Variants in CMPK1 observed in about 807,000 individuals in gnomAD.
The protein encoded by CMPK1 is cytidine/uridine monophosphate kinase 1, also known as UMP-CMP kinase.
CMPK1 carries 10 observed loss-of-function variants against 25.7 expected under a neutral mutation model. The ratio of observed to expected loss-of-function variants is 0.39; its 90% CI spans 0.24 to 0.66. The LOEUF (loss-of-function observed/expected upper bound fraction) is 0.66. Ranked by LOEUF, CMPK1 falls within the 30% of genes least tolerant of loss-of-function variation. The pLI is 0.48. For synonymous variants in CMPK1, 106 were observed against 101.5 expected (o/e 1.04, Z -0.27); for missense variants, 199 against 280.5 (o/e 0.71, Z 2.08).
rs552257590 is a variant in CMPK1, at chr1:47,338,733, C to T, written c.171+4617C>T. On this transcript the variant is annotated intron_variant, in intron 1 of 5. Transcript: ENST00000371873. ...TTTGAAAATGAGCTATTTTCTAAAT[C>T]AGTGTGATACTTAGAGTTAAGTTTC... Among the ~76,000 whole-genome samples the T allele has an allele frequency of 5.3e-5, 8 of 151,752 alleles. No homozygotes were observed. The South Asian group carries it at 1.5e-3, about 28-fold the overall frequency.
chr1:47,357,536 G>A (rs1646570465), intron 1 of CMPK1, among the ~76,000 whole-genome samples: 1 of 147,996 alleles, frequency 6.8e-6, no homozygotes, highest in Admixed American at 6.9e-5. Context: ...CTTGGCTGAA[G>A]TGCGGTGGTG....
chr1:47,342,801 C>T (rs1646451202), intron 1 of CMPK1, among the ~76,000 whole-genome samples: 1 of 151,572 alleles, frequency 6.6e-6, no homozygotes, highest in Admixed American at 6.6e-5. Context: ...AGGCACTTGC[C>T]ACCATGCCCA....
intron 1 of CMPK1, among the ~76,000 whole-genome samples, chr1:47,337,024 C>T (rs914420983): frequency 1.3e-5 from 2 of 152,196 alleles, no homozygotes; most frequent in African/African-American, 4.8e-5. Context: ...GTAGCTCACG[C>T]CTGTAATCCC....
At chr1:47,362,182 T>TC (rs1445733471) in intron 1 of CMPK1, among the ~76,000 whole-genome samples, 2 of 149,698 alleles carry the variant, frequency 1.3e-5, no homozygotes, top group Non-Finnish European at 3.0e-5. Context: ...TTTTTTTTTT[T>TC]TTTCGAGACG....
intron 1 of CMPK1, among the ~76,000 whole-genome samples, chr1:47,363,649 A>G (rs1173428323): frequency 2.7e-5 from 3 of 111,088 alleles, no homozygotes; most frequent in Non-Finnish European, 7.2e-5. Flanking sequence ...AAAACAAATA[A>G]ACAAACAAAC....
intron 3 of CMPK1, chr1:47,373,333 A>T (rs1480043164): frequency 3.0e-6 from 1 of 331,448 alleles, no homozygotes; most frequent in Non-Finnish European, 5.4e-6. Context: ...AATAACAAGA[A>T]TCAGTTTTGA....
At chr1:47,334,190 C>T in intron 1 of CMPK1, 74 bp downstream of exon 1, 1 of 1,217,836 alleles carries the variant, frequency 8.2e-7, no homozygotes, top group Non-Finnish European at 1.0e-6. Flanking sequence ...CGCCCCTAGT[C>T]CGCGCCCCGC....
At chr1:47,375,438 T>A in intron 5 of CMPK1, 145 bp downstream of exon 5, 1 of 573,472 alleles carries the variant, frequency 1.7e-6, no homozygotes, top group Non-Finnish European at 3.0e-6. Flanking sequence ...GGCTCATGCT[T>A]GTAATCCCAG....
intron 1 of CMPK1, among the ~76,000 whole-genome samples, chr1:47,352,949 A>T (rs1055012413): frequency 1.3e-5 from 2 of 152,130 alleles, no homozygotes; most frequent in Non-Finnish European, 2.9e-5. Flanking sequence ...ACCAAAATTT[A>T]AAAAAAATTA....
chr1:47,337,615 A>AT (rs34419291), intron 1 of CMPK1, among the ~76,000 whole-genome samples: 5,686 of 141,604 alleles, frequency 0.04, 245 homozygotes, highest in East Asian at 0.19. Flanking sequence ...TGGAATATCT[A>AT]TTTTTTTTTT....
intron 2 of CMPK1, among the ~76,000 whole-genome samples, chr1:47,372,081 C>A (rs1484810548): frequency 6.6e-6 from 1 of 151,762 alleles, no homozygotes; most frequent in South Asian, 2.1e-4. Flanking sequence ...TAGTTCACAT[C>A]CTCTTTTTTC....
Position 47,354,629 on chromosome 1 carries a change from G to A in CMPK1, c.172-13840G>A, listed in dbSNP as rs963982466. On this transcript the variant is annotated intron_variant, in intron 1 of 5. Coordinates refer to ENST00000371873, the MANE Select transcript of CMPK1 (RefSeq NM_016308.3). Reference sequence around the variant, plus strand: ...TTTTTTTTTTTTTTTGCTTAGCAGTGTATCTTGGAGAGCGTTCCATATCGG... The same window carrying A: ...TTTTTTTTTTTTTTTGCTTAGCAGTATATCTTGGAGAGCGTTCCATATCGG... Among the ~76,000 whole-genome samples the A allele has an allele frequency of 8.3e-5, 10 of 121,072 alleles. No individual in the cohort carries two copies. The East Asian group carries it at 3.0e-3, about 37-fold the overall frequency. 79.4% of individuals were successfully genotyped at this position (121,072 alleles called of 152,430 possible).
At chr1:47,358,766 G>T (rs1404116040) in intron 1 of CMPK1, 2 of 984,040 alleles carry the variant, frequency 2.0e-6, no homozygotes, top group Non-Finnish European at 2.4e-6. Context: ...TTTTGCAAAT[G>T]CTCAAATGTT....
intron 1 of CMPK1, among the ~76,000 whole-genome samples, chr1:47,340,627 T>G (rs1646434808): frequency 6.6e-6 from 1 of 152,170 alleles, no homozygotes; most frequent in Admixed American, 6.5e-5. Flanking sequence ...TATGCTTCTT[T>G]CCTTCTGGTG....
chr1:47,338,177 A>G (rs1646413165), intron 1 of CMPK1, among the ~76,000 whole-genome samples: 1 of 152,166 alleles, frequency 6.6e-6, no homozygotes, highest in African/African-American at 2.4e-5. Flanking sequence ...TGCCAGAAGT[A>G]CATATTTGAG....
chr1:47,352,119 A>G (rs1646527160), intron 1 of CMPK1, among the ~76,000 whole-genome samples: 1 of 152,240 alleles, frequency 6.6e-6, no homozygotes, highest in Admixed American at 6.5e-5. Context: ...CCTGGGCAAC[A>G]GAGTGAGATT....
intron 1 of CMPK1, among the ~76,000 whole-genome samples, chr1:47,364,853 C>T (rs894366692): frequency 4.6e-5 from 7 of 151,816 alleles, no homozygotes; most frequent in African/African-American, 1.7e-4. Flanking sequence ...CTCACTACAT[C>T]CTGGGCTCAA....
At chr1:47,357,578 G>A (rs887650972) in intron 1 of CMPK1, among the ~76,000 whole-genome samples, 42 of 150,462 alleles carry the variant, frequency 2.8e-4, no homozygotes, top group African/African-American at 1.0e-3. Flanking sequence ...TCTGCCTCCC[G>A]GGTTCAAGCG....
In CMPK1 at chr1:47,377,353, C is replaced by G. The variant is rs1646714448; in HGVS notation, c.*608C>G. 6.6e-6 allele frequency: 1 copy of G among 152,140 alleles called. No individual in the cohort carries two copies. The highest frequency in any genetic ancestry group is 2.1e-4 in the South Asian group (1 of 4,832). The allele number at this position is 152,140 out of a possible 1,614,324, so 9.4% of individuals were successfully genotyped here. A position where few individuals can be genotyped will look rare whatever the true frequency, so the allele number is the denominator to read the frequency against. Reference sequence around the variant, plus strand: ...GTATGACAGGGCATATTCTTTGCTTCCAAGATTTGGGTTGGGGGCACTAGG... The same window carrying G: ...GTATGACAGGGCATATTCTTTGCTTGCAAGATTTGGGTTGGGGGCACTAGG... On this transcript the variant is annotated 3_prime_UTR_variant, in exon 6 of 6. Coordinates refer to ENST00000371873, the MANE Select transcript of CMPK1 (RefSeq NM_016308.3).
Sources: allele counts gnomAD v4.1 joint callset (sites outside exome capture counted in the v4.1 genomes callset), GRCh38; gene constraint gnomAD v4.1.1; transcripts MANE v1.5; gene names NCBI Gene and HGNC (gene_info 2026-07-23, HGNC 2026-07-21).